Variants in MGAT4C observed in about 807,000 individuals in gnomAD.
The protein encoded by MGAT4C is MGAT4 family member C.
Under a neutral mutation model 40.1 loss-of-function variants are expected in MGAT4C, and 19 were observed. The ratio of observed to expected loss-of-function variants is 0.47; its 90% CI spans 0.33 to 0.70. The LOEUF (loss-of-function observed/expected upper bound fraction) is 0.70, where lower values mean the gene tolerates loss of function less well. Among genes scored for constraint, MGAT4C ranks in the 30% least tolerant of loss-of-function variants. The probability of loss-of-function intolerance (pLI) is 0.02; values close to 1 mark genes in which losing one functional copy is unlikely to be tolerated. For synonymous variants in MGAT4C, 181 were observed against 187.1 expected, an observed-to-expected ratio of 0.97 and a Z score of 0.27; for missense variants, 491 against 563.2, an observed-to-expected ratio of 0.87 and a Z score of 1.30.
chr12:86,476,534 C>CT (rs1029305085), intron 2 of MGAT4C, among the ~76,000 whole-genome samples: 2 of 151,976 alleles, frequency 1.3e-5, no homozygotes, highest in African/African-American at 4.8e-5. Flanking sequence ...TCTCAAAGAA[C>CT]TTAAAACAGA....
chr12:86,421,905 T>G (rs1956835381), intron 3 of MGAT4C, among the ~76,000 whole-genome samples: 1 of 152,212 alleles, frequency 6.6e-6, no homozygotes, highest in African/African-American at 2.4e-5. Flanking sequence ...AAATTTGAAG[T>G]ATAAGCAGAA....
At chr12:85,990,617 C>T (rs771077049) in intron 2 of MGAT4C, among the ~76,000 whole-genome samples, 39 of 151,928 alleles carry the variant, frequency 2.6e-4, no homozygotes, top group Middle Eastern at 3.4e-3. Flanking sequence ...TTTGTGGGTC[C>T]TTATAAATTA....
At chr12:86,012,217 C>G (rs754556428) in intron 2 of MGAT4C, among the ~76,000 whole-genome samples, 18 of 152,154 alleles carry the variant, frequency 1.2e-4, no homozygotes, top group Non-Finnish European at 1.5e-4. Context: ...ATTTCTGTTA[C>G]ACCCAATGGG....
At chr12:86,061,522 G>T (rs1370330600) in intron 1 of MGAT4C, among the ~76,000 whole-genome samples, 2 of 150,958 alleles carry the variant, frequency 1.3e-5, no homozygotes, top group African/African-American at 2.4e-5. Context: ...AAGCTAGAAA[G>T]AATTGTTCAC....
intron 2 of MGAT4C, among the ~76,000 whole-genome samples, chr12:86,485,595 A>G (rs1271309449): frequency 6.6e-6 from 1 of 152,190 alleles, no homozygotes; most frequent in East Asian, 1.9e-4. Context: ...AAGAAATACA[A>G]CATTTTACTC....
intron 2 of MGAT4C, among the ~76,000 whole-genome samples, chr12:86,708,425 C>T (rs1274851095): frequency 6.6e-6 from 1 of 152,194 alleles, no homozygotes; most frequent in Non-Finnish European, 1.5e-5. Flanking sequence ...TGGAGAATGC[C>T]TGCTGGGCAG....
At chr12:86,111,297 G>T (rs1047308815) in intron 1 of MGAT4C, among the ~76,000 whole-genome samples, 1 of 151,726 alleles carries the variant, frequency 6.6e-6, no homozygotes, top group Admixed American at 6.6e-5. Flanking sequence ...CATTTGTCAG[G>T]ATTTCATAAT....
chr12:86,325,039 G>A (rs1954493388), intron 4 of MGAT4C, among the ~76,000 whole-genome samples: 2 of 151,994 alleles, frequency 1.3e-5, no homozygotes, highest in African/African-American at 2.4e-5. Flanking sequence ...ATGTTCAGAA[G>A]CAGTCAATTG....
At chr12:86,122,919 G>T (rs994873656) in intron 1 of MGAT4C, among the ~76,000 whole-genome samples, 3 of 152,104 alleles carry the variant, frequency 2.0e-5, no homozygotes, top group Non-Finnish European at 2.9e-5. Flanking sequence ...ATTATAAAAA[G>T]AAAGGGAGAG....
intron 1 of MGAT4C, among the ~76,000 whole-genome samples, chr12:86,136,201 T>C (rs1881927622): frequency 6.6e-6 from 1 of 152,230 alleles, no homozygotes; most frequent in Non-Finnish European, 1.5e-5. Flanking sequence ...TTAAGAATTA[T>C]TGAGTCTTTT....
intron 1 of MGAT4C, among the ~76,000 whole-genome samples, chr12:86,783,935 T>A (rs1305828981): frequency 6.6e-6 from 1 of 152,064 alleles, no homozygotes; most frequent in Non-Finnish European, 1.5e-5. Flanking sequence ...GAAGGAAAAA[T>A]TCACATGCCC....
chr12:86,552,833 T>C (rs868002325), intron 2 of MGAT4C, among the ~76,000 whole-genome samples: 4 of 152,258 alleles, frequency 2.6e-5, no homozygotes, highest in Middle Eastern at 3.4e-3. Context: ...TCAATTTTAA[T>C]GACTTGCATC....
intron 2 of MGAT4C, among the ~76,000 whole-genome samples, chr12:86,540,789 T>G (rs1203692049): frequency 6.6e-6 from 1 of 151,474 alleles, no homozygotes; most frequent in African/African-American, 2.5e-5. Context: ...CCACTCAGTT[T>G]GAATTTGGGA....
In MGAT4C at chr12:86,345,329, G is replaced by T. The variant is rs547963492; in HGVS notation, c.-119-11202C>A. ...TAGGGTACATGTGCACAACGTGCAG[G>T]TTTGTTACATATGTATACATGTGCC... On this transcript the variant is annotated intron_variant, in intron 3 of 7. Coordinates refer to the MGAT4C transcript ENST00000548651. Among the ~76,000 whole-genome samples, 22 of 151,546 alleles carry T rather than the reference G, an allele frequency of 1.5e-4. No homozygotes were observed. The East Asian group carries it at 4.3e-3, about 30-fold the overall frequency.
intron 1 of MGAT4C, among the ~76,000 whole-genome samples, chr12:86,764,941 C>T (rs1951476935): frequency 6.6e-6 from 1 of 152,074 alleles, no homozygotes; most frequent in South Asian, 2.1e-4. Context: ...AAACTGGAAA[C>T]TCTAAAAAGC....
At chr12:86,482,029 T>C (rs1957946026) in intron 2 of MGAT4C, among the ~76,000 whole-genome samples, 1 of 150,132 alleles carries the variant, frequency 6.7e-6, no homozygotes, top group Non-Finnish European at 1.5e-5. Context: ...TGTAAAACAG[T>C]CCTCTTTTTT....
intron 1 of MGAT4C, among the ~76,000 whole-genome samples, chr12:86,833,163 T>C (rs1029642786): frequency 2.0e-5 from 3 of 151,872 alleles, no homozygotes; most frequent in Non-Finnish European, 2.9e-5. Flanking sequence ...CTTACCAAAG[T>C]AGGAAATTTG....
intron 2 of MGAT4C, among the ~76,000 whole-genome samples, chr12:86,541,631 T>C (rs1959168132): frequency 1.3e-5 from 2 of 152,226 alleles, no homozygotes; most frequent in African/African-American, 4.8e-5. Flanking sequence ...TCAACCAAGT[T>C]ATACAAGTAG....
chr12:86,417,116 C>T (rs1336837472), intron 3 of MGAT4C, among the ~76,000 whole-genome samples: 3 of 151,914 alleles, frequency 2.0e-5, no homozygotes, highest in East Asian at 1.9e-4. Context: ...CAGTCTGCAT[C>T]GGTCAACTGG....
Sources: gnomAD v4.1 joint callset for allele counts (sites outside exome capture counted in the v4.1 genomes callset) on GRCh38, gnomAD v4.1.1 for gene constraint, MANE v1.5 for transcripts, NCBI Gene and HGNC (gene_info 2026-07-23, HGNC 2026-07-21) for gene names.